Variants in JAKMIP3 observed in about 807,000 individuals in gnomAD.
The protein encoded by JAKMIP3 is janus kinase and microtubule-interacting protein 3.
Under a neutral mutation model 118.5 loss-of-function variants are expected in JAKMIP3, and 58 were observed. The observed-to-expected ratio is 0.49, with a 90% CI of 0.40 to 0.61. The LOEUF is 0.61. JAKMIP3 is among the 20% of genes least tolerant of loss of function. JAKMIP3 has a pLI of 0.00. For synonymous variants in JAKMIP3, 486 were observed against 451.2 expected, an observed-to-expected ratio of 1.08 and a Z score of -0.98; for missense variants, 950 against 1,109.0, an observed-to-expected ratio of 0.86 and a Z score of 2.04.
intron 20 of JAKMIP3, among the ~76,000 whole-genome samples, chr10:132,164,306 C>T (rs2058673872): frequency 6.6e-6 from 1 of 152,232 alleles, no homozygotes; most frequent in Admixed American, 6.5e-5. Context: ...CCGGGAGGCT[C>T]TCTCTGTGCC....
chr10:132,075,721 A>G (rs1564870556), intron 1 of JAKMIP3, among the ~76,000 whole-genome samples: 3 of 152,156 alleles, frequency 2.0e-5, no homozygotes, highest in Admixed American at 1.3e-4. Flanking sequence ...ACTTCTATAT[A>G]TGTTAGGAAG....
In JAKMIP3 at chr10:132,182,041, C is replaced by T. The variant is rs138213823; in HGVS notation, c.*1104-316C>T. On this transcript the variant is annotated intron_variant, in intron 23 of 23. Coordinates refer to ENST00000684848, the MANE Select transcript of JAKMIP3 (RefSeq NM_001323087.2). ...GCAATGAGGGAAGTTGGGTAGAAAC[C>T]GGGCTGCTGGCCCAGACATGGTGAG... Among the ~76,000 whole-genome samples the T allele has an allele frequency of 3.2e-4, 49 of 152,376 alleles. No homozygotes were observed. In the East Asian group the frequency reaches 7.3e-3, roughly 23 times the overall value.
At position 132,083,918 on chromosome 10, in the gene JAKMIP3, G is replaced by A. The variant is rs529938932; in HGVS notation, c.-138+17857G>A. 6.6e-5 allele frequency among the ~76,000 whole-genome samples: 10 copies of A among 152,264 alleles called. No individual in the cohort carries two copies. In the East Asian group the frequency reaches 1.3e-3, roughly 21 times the overall value. On this transcript the variant is annotated intron_variant, in intron 1 of 23. Transcript: ENST00000684848. The stretch of plus-strand genomic sequence containing the variant: ...GTGCCTGTTTTTATGCCAGTACCAC[G>A]CTGTTTTGGTGACTATGGCCTTATA...
rs1194655583 is a variant in JAKMIP3 at position 132,044,806 on chromosome 10, C to G, written c.-138+8068C>G. On this transcript the variant is annotated intron_variant, in intron 1 of 23. Transcript: ENST00000657785. The surrounding 1 kb of genome is among the most constrained non-coding windows in gnomAD (Gnocchi z 5.3). Reference sequence around the variant, plus strand: ...CTTCCCAAACGGAAACTGTACCCCCCACCCAGCCCCTGACACCCCCACTGG... The same window carrying G: ...CTTCCCAAACGGAAACTGTACCCCCGACCCAGCCCCTGACACCCCCACTGG... 4.6e-5 allele frequency among the ~76,000 whole-genome samples: 7 copies of G among 152,232 alleles called. No individual in the cohort carries two copies. The highest frequency in any genetic ancestry group is 4.1e-4 in the South Asian group (2 of 4,822).
rs1554963079 is a variant in JAKMIP3 at position 132,180,654 on chromosome 10, T to TGTGTGTGTGC, written c.*1104-1700_*1104-1699insTGTGTGCGTG. Among the ~76,000 whole-genome samples the TGTGTGTGTGC allele has an allele frequency of 3.7e-4, 9 of 24,290 alleles. 1 individual carries two copies. The highest frequency in any genetic ancestry group is 1.9e-3 in the African/African-American group (9 of 4,698). 15.9% of individuals were successfully genotyped at this position (24,290 alleles called of 152,430 possible). A position where few individuals can be genotyped will look rare whatever the true frequency, so the allele number is the denominator to read the frequency against. On this transcript the variant is annotated intron_variant, in intron 23 of 23. Coordinates refer to ENST00000684848, the MANE Select transcript of JAKMIP3 (RefSeq NM_001323087.2). ...GTGTGCGTGCGTGTGTGCGTGTGCG[T>TGTGTGTGTGC]GTGCGTGTGTGCGTGTGTGTGCGCG...
At chr10:132,139,643 G>T (rs1330604037) in intron 9 of JAKMIP3, among the ~76,000 whole-genome samples, 1 of 152,180 alleles carries the variant, frequency 6.6e-6, no homozygotes, top group Non-Finnish European at 1.5e-5. Context: ...CTCCCCGCTC[G>T]GGACCCCTCT....
rs2047840178 is a variant in JAKMIP3, at chr10:132,117,322, C to G, written c.381C>G (p.Gly127=). Residue 127 remains glycine, a synonymous_variant, in exon 3 of 24, where the codon GGC becomes GGG. Coordinates refer to ENST00000684848, the MANE Select transcript of JAKMIP3 (RefSeq NM_001323087.2). The surrounding 1 kb of genome is among the most constrained non-coding windows in gnomAD (Gnocchi z 8.6). ...QALLSALRDG[G]PEKVKTVLLS... is the part of the protein sequence containing the mutation. ...TGCTCAGTGCCCTGCGTGATGGCGGCCCCGAAAAGGTCAAGACCGTGCTGC... is the reference window on the plus strand; with the variant it reads ...TGCTCAGTGCCCTGCGTGATGGCGGGCCCGAAAAGGTCAAGACCGTGCTGC... The G allele has an allele frequency of 1.2e-6, 2 of 1,613,836 alleles. No individual in the cohort carries two copies. Among genetic ancestry groups the G allele is most frequent in the South Asian group, 2.2e-5 (2 of 91,078 alleles).
chr10:132,139,639 G>A (rs1305703570), intron 9 of JAKMIP3, among the ~76,000 whole-genome samples: 5 of 151,002 alleles, frequency 3.3e-5, no homozygotes, highest in East Asian at 2.0e-4. Flanking sequence ...GGCTCTCCCC[G>A]CTCGGGACCC....
In JAKMIP3 at chr10:132,176,398, G is replaced by T. The variant is rs1300773473; in HGVS notation, c.*1104-5959G>T. On this transcript the variant is annotated intron_variant, in intron 23 of 23. Transcript: ENST00000684848. ...TTTCTTGGTGCACAGCATGGCCTTG[G>T]TCCTGGTGCTGGTGTGTGCCTCGCT... 2.0e-5 allele frequency among the ~76,000 whole-genome samples: 3 copies of T among 152,166 alleles called. No homozygotes were observed. In the East Asian group the frequency reaches 5.8e-4, roughly 29 times the overall value.
chr10:132,117,618 CGGGCGTGGGCG>C lies in JAKMIP3; in HGVS notation c.633+45_633+55del. 3 of 673,872 alleles carry C rather than the reference CGGGCGTGGGCG, an allele frequency of 4.5e-6. No individual in the cohort carries two copies. Among genetic ancestry groups the C allele is most frequent in the South Asian group, 3.7e-5 (2 of 53,782 alleles). The allele number at this position is 673,872 out of a possible 1,614,324, so 41.7% of individuals were successfully genotyped here. Reference sequence around the variant, plus strand: ...GCGGGCGTGGGCGAGGGTGCAGGGGCGGGCGTGGGCGAGGGTGCAGGGGCGGGCGTGGGCGA... The same window carrying C: ...GCGGGCGTGGGCGAGGGTGCAGGGGCAGGGTGCAGGGGCGGGCGTGGGCGA... On this transcript the variant is annotated intron_variant, in intron 3 of 23. Coordinates refer to ENST00000684848, the MANE Select transcript of JAKMIP3 (RefSeq NM_001323087.2). The surrounding 1 kb of genome is among the most constrained non-coding windows in gnomAD (Gnocchi z 8.6).
rs1564902173 is a variant in JAKMIP3, at chr10:132,104,785, T to C, written c.-24T>C. 1 of 1,545,284 alleles carries C rather than the reference T, an allele frequency of 6.5e-7. No individual in the cohort carries two copies. Among genetic ancestry groups the C allele is most frequent in the Non-Finnish European group, 8.7e-7 (1 of 1,143,294 alleles). On this transcript the variant is annotated 5_prime_UTR_variant, in exon 2 of 24. Transcript: ENST00000684848. ...AGCCGGAGCACCCTACCCCTGGGCA[T>C]CCCCCTGGCCATCCAGCCTCACCAT...
intron 19 of JAKMIP3, among the ~76,000 whole-genome samples, chr10:132,160,976 G>A (rs867655683): frequency 1.1e-4 from 1 of 9,280 alleles, no homozygotes. Context: ...TGCTGGGTGG[G>A]CCTCTCCCTG....
intron 8 of JAKMIP3, among the ~76,000 whole-genome samples, chr10:132,137,758 C>T (rs2052128851): frequency 6.6e-6 from 1 of 152,248 alleles, no homozygotes. Flanking sequence ...GTGGACGCCA[C>T]CCCTGCAGGG....
chr10:132,163,123 G>A, intron 19 of JAKMIP3, 86 bp from the exon 20 acceptor site: 1 of 1,298,500 alleles, frequency 7.7e-7, no homozygotes, highest in Non-Finnish European at 1.1e-6. Context: ...CTCCCAGGCG[G>A]AGGGTGGCCC....
At chr10:132,036,403 C>T (rs1393249221), upstream of JAKMIP3, among the ~76,000 whole-genome samples, 1 of 152,324 alleles carries the variant, frequency 6.6e-6, no homozygotes, top group Admixed American at 6.5e-5. Context: ...TCGGCCTGAG[C>T]GGCGGGTGAG....
intron 19 of JAKMIP3, among the ~76,000 whole-genome samples, chr10:132,156,433 G>A (rs566056284): frequency 6.6e-6 from 1 of 152,312 alleles, no homozygotes; most frequent in East Asian, 1.9e-4. Context: ...GATCAGCCTA[G>A]CTGGCAGGCA....
intron 3 of JAKMIP3, among the ~76,000 whole-genome samples, chr10:132,127,693 G>A (rs769053232): frequency 6.0e-5 from 9 of 150,544 alleles, no homozygotes; most frequent in African/African-American, 9.8e-5. Flanking sequence ...TCCCTCCCTC[G>A]TCTTGCCTCT....
intron 8 of JAKMIP3, 89 bp downstream of exon 8, chr10:132,137,378 A>G: frequency 1.3e-6 from 2 of 1,526,654 alleles, no homozygotes; most frequent in South Asian, 2.3e-5. Context: ...CTCCTCACAG[A>G]CCAGACAGAA....
intron 1 of JAKMIP3, among the ~76,000 whole-genome samples, chr10:132,041,191 G>A (rs909397287): frequency 6.6e-6 from 1 of 152,186 alleles, no homozygotes; most frequent in African/African-American, 2.4e-5. Context: ...AAGTAGCTGG[G>A]ACTACAAGTG....
Sources: allele counts gnomAD v4.1 joint callset (sites outside exome capture counted in the v4.1 genomes callset), GRCh38; gene constraint gnomAD v4.1.1; non-coding constraint Gnocchi (gnomAD v3.1); transcripts MANE v1.5; gene names NCBI Gene and HGNC (gene_info 2026-07-23, HGNC 2026-07-21).